The following SKI variants were observed in gnomAD, a reference collection of about 807,000 sequenced individuals.
SKI encodes ski oncogene.
A neutral mutation model predicts 59.3 loss-of-function variants in SKI; 23 were observed. That is an observed-to-expected ratio of 0.39 (90% CI 0.28 to 0.55). The LOEUF (loss-of-function observed/expected upper bound fraction) is 0.55, where lower values mean the gene tolerates loss of function less well. SKI is among the 20% of genes least tolerant of loss of function. The pLI, the probability that SKI is intolerant of heterozygous loss-of-function variation, is 0.67. For missense variants in SKI, 1,017 were observed against 1,038.9 expected (o/e 0.98, Z 0.29); for synonymous variants, 673 against 488.6 (o/e 1.38, Z -4.98).
At position 2,297,853 on chromosome 1, in the gene SKI, G is replaced by T. The variant is rs148551236; in HGVS notation, c.970-5125G>T. Among the ~76,000 whole-genome samples, 162 of 152,368 alleles carry T rather than the reference G, an allele frequency of 1.1e-3. 1 individual carries two copies. The highest frequency in any genetic ancestry group is 3.6e-3 in the African/African-American group (148 of 41,588). ...GTCTGAGACTGGCCACTCCCATGGC[G>T]CATGCATTCCCCTGGAGGGTCCCCT... On this transcript the variant is annotated intron_variant, in intron 1 of 6. Transcript: ENST00000378536.
chr1:2,245,648 G>C (rs966883904), intron 1 of SKI, among the ~76,000 whole-genome samples: 2 of 151,186 alleles, frequency 1.3e-5, no homozygotes, highest in Non-Finnish European at 3.0e-5. Flanking sequence ...GCTGATTTTT[G>C]TATTTTTAGT....
intron 1 of SKI, among the ~76,000 whole-genome samples, chr1:2,276,525 C>T (rs746359354): frequency 6.6e-6 from 1 of 152,220 alleles, no homozygotes; most frequent in Non-Finnish European, 1.5e-5. Context: ...CCTCTAGAGG[C>T]CCTGAGCCAC....
chr1:2,291,942 G>A (rs1053242325), intron 1 of SKI, among the ~76,000 whole-genome samples: 1 of 152,196 alleles, frequency 6.6e-6, no homozygotes, highest in African/African-American at 2.4e-5. Flanking sequence ...TTTCCTCTGT[G>A]CCACAATAAT....
In SKI at chr1:2,303,327, C is replaced by T. The variant is rs1640474693; in HGVS notation, c.1138C>T (p.Arg380Ter). 6.2e-7 allele frequency: 1 copy of T among 1,613,814 alleles called. No homozygotes were observed. Among genetic ancestry groups the T allele is most frequent in the Non-Finnish European group, 8.5e-7 (1 of 1,180,026 alleles). Residue 380 changes from arginine to a stop codon, truncating the protein, a stop_gained, in exon 3 of 7, where the codon CGA becomes TGA. Coordinates refer to ENST00000378536, the MANE Select transcript of SKI (RefSeq NM_003036.4). LOFTEE classifies it high-confidence loss of function. The surrounding 1 kb of genome is among the most constrained non-coding windows in gnomAD (Gnocchi z 5.6). Reference sequence around the variant, plus strand: ...CCCTCGCCAGCGCCTCTCTGCTTTCCGACCCTGGTCCCCCGCAGTGTCAGC... The same window carrying T: ...CCCTCGCCAGCGCCTCTCTGCTTTCTGACCCTGGTCCCCCGCAGTGTCAGC... ...VHPRQRLSAFRPWSPAVSASE... is the reference protein window; with the variant it reads ...VHPRQRLSAF
intron 1 of SKI, among the ~76,000 whole-genome samples, chr1:2,260,510 T>G (rs1639360925): frequency 6.7e-6 from 1 of 149,618 alleles, no homozygotes; most frequent in African/African-American, 2.5e-5. Context: ...TTTTATGGGA[T>G]CCAATTTTTC....
intron 1 of SKI, among the ~76,000 whole-genome samples, chr1:2,272,478 A>C (rs968519841): frequency 9.2e-5 from 14 of 152,134 alleles, no homozygotes; most frequent in African/African-American, 2.9e-4. Flanking sequence ...AGCGGCACTG[A>C]ATGGCAGTGG....
intron 1 of SKI, among the ~76,000 whole-genome samples, chr1:2,242,448 C>T (rs1424427971): frequency 1.3e-5 from 2 of 152,172 alleles, no homozygotes; most frequent in South Asian, 4.1e-4. Context: ...CTACCGTGGC[C>T]CCTTCTGGCC....
chr1:2,253,558 G>A (rs561858897), intron 1 of SKI, among the ~76,000 whole-genome samples: 112 of 152,368 alleles, frequency 7.4e-4, no homozygotes, highest in Middle Eastern at 3.4e-3. Flanking sequence ...CATATGCCCT[G>A]TCTCAGGGGG....
In SKI at chr1:2,229,183, C is replaced by A. The variant is rs144874401; in HGVS notation, c.417C>A (p.Ile139=). ...SVLRDFSLQQ[I]NAVCDELHIY... The stretch of plus-strand genomic sequence containing the variant: ...TGCGCGACTTCTCGCTGCAGCAGAT[C>A]AACGCGGTGTGCGACGAGCTCCACA... Residue 139 remains isoleucine, a synonymous_variant, in exon 1 of 7, where the codon ATC becomes ATA. Coordinates refer to ENST00000378536, the MANE Select transcript of SKI (RefSeq NM_003036.4). The surrounding 1 kb of genome is among the most constrained non-coding windows in gnomAD (Gnocchi z 6.3). 3.1e-6 allele frequency: 5 copies of A among 1,611,386 alleles called. No individual in the cohort carries two copies. Among genetic ancestry groups the A allele is most frequent in the Admixed American group, 1.7e-5 (1 of 59,912 alleles).
At chr1:2,258,865 G>A (rs1159102098) in intron 1 of SKI, among the ~76,000 whole-genome samples, 1 of 152,186 alleles carries the variant, frequency 6.6e-6, no homozygotes, top group Non-Finnish European at 1.5e-5. Flanking sequence ...TGTTTTATCT[G>A]AGGTGGCCCA....
intron 1 of SKI, among the ~76,000 whole-genome samples, chr1:2,237,304 T>G (rs1638769178): frequency 6.6e-6 from 1 of 152,200 alleles, no homozygotes; most frequent in African/African-American, 2.4e-5. Flanking sequence ...CCACGCCCTG[T>G]GTGTATCTGG....
In SKI at chr1:2,269,494, A is replaced by G. The variant is rs1232143804; in HGVS notation, c.970-33484A>G. 6.6e-6 allele frequency among the ~76,000 whole-genome samples: 1 copy of G among 152,262 alleles called. No homozygotes were observed. The highest frequency in any genetic ancestry group is 6.5e-5 in the Admixed American group (1 of 15,288). ...AGCAGTCTGTGGCCTTCTGTGAAGC[A>G]AAGCCGTTTTGCAGGCTGGGTTCAT... On this transcript the variant is annotated intron_variant, in intron 1 of 6. Coordinates refer to ENST00000378536, the MANE Select transcript of SKI (RefSeq NM_003036.4). This position sits in a 1 kb window ranked among gnomAD's most constrained non-coding sequence, Gnocchi z 4.7.
At chr1:2,251,873 C>T (rs1639158817) in intron 1 of SKI, among the ~76,000 whole-genome samples, 1 of 152,242 alleles carries the variant, frequency 6.6e-6, no homozygotes, top group South Asian at 2.1e-4. Flanking sequence ...TCTTGCTTCC[C>T]TCCCCGCCCC....
At chr1:2,256,773 C>T (rs997714207) in intron 1 of SKI, among the ~76,000 whole-genome samples, 6 of 152,252 alleles carry the variant, frequency 3.9e-5, no homozygotes, top group Non-Finnish European at 8.8e-5. Flanking sequence ...CCTGACTGTG[C>T]CCTTCAGGAG....
intron 1 of SKI, among the ~76,000 whole-genome samples, chr1:2,266,600 A>C (rs540871905): frequency 9.5e-4 from 145 of 152,134 alleles, no homozygotes; most frequent in African/African-American, 3.4e-3. Context: ...ATTGTCTCCC[A>C]TCTCCTGTCT....
At chr1:2,261,335 A>T (rs1413453698) in intron 1 of SKI, among the ~76,000 whole-genome samples, 1 of 152,150 alleles carries the variant, frequency 6.6e-6, no homozygotes, top group Non-Finnish European at 1.5e-5. Context: ...GGAAATTTTG[A>T]TTGGGATTGT....
At chr1:2,293,809 T>C (rs1479151441) in intron 1 of SKI, among the ~76,000 whole-genome samples, 1 of 152,222 alleles carries the variant, frequency 6.6e-6, no homozygotes, top group Non-Finnish European at 1.5e-5. Flanking sequence ...CTTCTTCAGC[T>C]GGCACCTTGA....
intron 1 of SKI, among the ~76,000 whole-genome samples, chr1:2,262,221 A>ATGGGAGTGG (rs1639403078): frequency 1.3e-5 from 1 of 75,966 alleles, no homozygotes; most frequent in Non-Finnish European, 2.6e-5. Context: ...CAGAGTTTGG[A>ATGGGAGTGG]TGGGAGTGGT....
intron 1 of SKI, among the ~76,000 whole-genome samples, chr1:2,284,552 CT>C (rs974197776): frequency 2.0e-5 from 3 of 152,200 alleles, no homozygotes; most frequent in African/African-American, 7.2e-5. Flanking sequence ...GGCAGGGACC[CT>C]TCCCCAGTGG....
Sources: gnomAD v4.1 joint callset for allele counts (sites outside exome capture counted in the v4.1 genomes callset) on GRCh38, gnomAD v4.1.1 for gene constraint, Gnocchi (gnomAD v3.1) non-coding constraint, MANE v1.5 for transcripts, NCBI Gene and HGNC (gene_info 2026-07-23, HGNC 2026-07-21) for gene names.